Variants in ABCA2 observed in about 807,000 individuals in gnomAD.
The protein encoded by ABCA2 is ATP-binding cassette sub-family A member 2.
Under a neutral mutation model 262.8 loss-of-function variants are expected in ABCA2, and 84 were observed. The observed-to-expected ratio is 0.32, with a 90% confidence interval of 0.27 to 0.38. ABCA2 has a LOEUF of 0.38. Among genes scored for constraint, ABCA2 ranks in the 10% least tolerant of loss-of-function variants. The pLI is 1.00. For synonymous variants in ABCA2, 1,696 were observed against 1,502.9 expected, an observed-to-expected ratio of 1.13 and a Z score of -2.97; for missense variants, 2,662 against 3,405.9, an observed-to-expected ratio of 0.78 and a Z score of 5.44.
Position 137,010,341 on chromosome 9 carries a change from G to A in ABCA2, c.6205C>T (p.Leu2069=), listed in dbSNP as rs776394496. ...VYKSRKIGRI[L]AVDRLCLGVR... The stretch of plus-strand genomic sequence containing the variant: ...CCCAGGCACAGGCGGTCAACGGCCA[G>A]GATACGGCCAATCTTCCGGGACTTG... The change falls in exon 41 of 49, where the codon CTG becomes TTG. Residue 2069 remains leucine, a synonymous_variant. Transcript: ENST00000341511. 1 of 1,581,866 alleles carries A rather than the reference G, an allele frequency of 6.3e-7. No homozygotes were observed. Among genetic ancestry groups the A allele is most frequent in the South Asian group, 1.2e-5 (1 of 86,788 alleles).
chr9:137,008,053 C>T (rs1169459595), intron 48 of ABCA2, 89 bp from the exon 49 acceptor site: 1 of 1,499,734 alleles, frequency 6.7e-7, no homozygotes, highest in Non-Finnish European at 9.0e-7. Context: ...CCCCGGCCCT[C>T]CTGCAGGCTG....
At chr9:137,008,353 G>A (rs1387506898) in intron 48 of ABCA2, 63 bp downstream of exon 48, 1 of 1,535,154 alleles carries the variant, frequency 6.5e-7, no homozygotes, top group Non-Finnish European at 8.8e-7. Flanking sequence ...CGCGGCTGGA[G>A]CCACCAGGCA....
rs777555902 is a variant in ABCA2 at position 137,019,129 on chromosome 9, G to A, written c.1554+49C>T. ...GCGCCTGCCGAGCCGGGCAGAGAGG[G>A]GCTCCCCACACCACCCACAGCCGCC... is the stretch of plus-strand genomic sequence containing the variant. On this transcript the variant is annotated intron_variant, in intron 11 of 48. Coordinates refer to ENST00000341511, the MANE Select transcript of ABCA2 (RefSeq NM_001606.5). This position sits in a 1 kb window ranked among gnomAD's most constrained non-coding sequence, Gnocchi z 4.4. 5 of 1,603,888 alleles carry A rather than the reference G, an allele frequency of 3.1e-6. No individual in the cohort carries two copies. The highest frequency in any genetic ancestry group is 4.3e-6 in the Non-Finnish European group (5 of 1,173,828).
At position 137,015,148 on chromosome 9, in the gene ABCA2, G is replaced by A. The variant is rs759469585; in HGVS notation, c.3698-51C>T. On this transcript the variant is annotated intron_variant, in intron 24 of 48. Coordinates refer to ENST00000341511, the MANE Select transcript of ABCA2 (RefSeq NM_001606.5). ...GAATTCACTCAGGGGCTGGGAGGAG[G>A]GACCCCCAATGGGAACCCAACTGGG... The A allele has an allele frequency of 3.9e-6, 6 of 1,525,708 alleles. No homozygotes were observed. The African/African-American group carries it at 8.3e-5, about 21-fold the overall frequency. 94.5% of individuals were successfully genotyped at this position (1,525,708 alleles called of 1,614,324 possible). A position where few individuals can be genotyped will look rare whatever the true frequency, so the allele number is the denominator to read the frequency against.
rs946316964 is a variant in ABCA2 at position 137,019,118 on chromosome 9, G to A, written c.1555-48C>T. On this transcript the variant is annotated intron_variant, in intron 11 of 48. Coordinates refer to ENST00000341511, the MANE Select transcript of ABCA2 (RefSeq NM_001606.5). The surrounding 1 kb of genome is among the most constrained non-coding windows in gnomAD (Gnocchi z 4.4). The stretch of plus-strand genomic sequence containing the variant: ...GAGGGGGACCTGCGCCTGCCGAGCC[G>A]GGCAGAGAGGGGCTCCCCACACCAC... 45 of 1,602,098 alleles carry A rather than the reference G, an allele frequency of 2.8e-5. No individual in the cohort carries two copies. The highest frequency in any genetic ancestry group is 4.5e-5 in the East Asian group (2 of 44,616).
chr9:137,020,271 C>T, intron 10 of ABCA2, 65 bp downstream of exon 10: 1 of 1,599,994 alleles, frequency 6.3e-7, no homozygotes. Context: ...GCCCAGGGGT[C>T]CCAGGCCTGC....
At chr9:137,008,395 C>T in intron 48 of ABCA2, 21 bp downstream of exon 48, 1 of 1,548,848 alleles carries the variant, frequency 6.5e-7, no homozygotes. Flanking sequence ...CCCTGGACAG[C>T]CATGAGAGCA....
chr9:137,012,899 G>A lies in ABCA2; in HGVS notation c.4894C>T (p.Pro1632Ser). ...CGGACGGGCTCCCGTACCAGGCGCGGCAGGGAGGGTGCCGACGTCCACATT... is the reference window on the plus strand; with the variant it reads ...CGGACGGGCTCCCGTACCAGGCGCGACAGGGAGGGTGCCGACGTCCACATT... ...PEMWTSAPSL[P>S]RLVREPVRCT... The change falls in exon 31 of 49, where the codon CCG becomes TCG. Residue 1632 changes from proline to serine, a missense_variant. By Grantham distance (74) the Pro-to-Ser change is moderately conservative. Around this residue, in one of 12 missense-constraint regions of ABCA2, gnomAD observed 192 missense variants for 207.2 expected, o/e 0.93. Coordinates refer to ENST00000341511, the MANE Select transcript of ABCA2 (RefSeq NM_001606.5). 1 of 1,552,442 alleles carries A rather than the reference G, an allele frequency of 6.4e-7. No individual in the cohort carries two copies. The highest frequency in any genetic ancestry group is 8.7e-7 in the Non-Finnish European group (1 of 1,147,908).
In ABCA2 at chr9:137,012,171, G is replaced by A. The variant is rs201433097; in HGVS notation, c.5300-9C>T. The A allele has an allele frequency of 6.2e-5, 100 of 1,611,850 alleles. No homozygotes were observed. The South Asian group carries it at 9.1e-4, about 15-fold the overall frequency. On this transcript the variant is annotated splice_polypyrimidine_tract_variant and intron_variant, in intron 33 of 48. Coordinates refer to ENST00000341511, the MANE Select transcript of ABCA2 (RefSeq NM_001606.5). The stretch of plus-strand genomic sequence containing the variant: ...GTTGGTGACGGTGATGCCTGCACAC[G>A]GCGGGGCGGGGGCGGCAGCTTCAGG...
chr9:137,009,332 G>GGCCCCCCCCCCCCCCCCC, intron 45 of ABCA2, 38 bp downstream of exon 45: 1 of 980,406 alleles, frequency 1.0e-6, no homozygotes, highest in Non-Finnish European at 1.5e-6. Context: ...CCCCCCCCGG[G>GGCCCCCCCCCCCCCCCCC]CCCGCCCCAG....
In ABCA2 at chr9:137,017,812, G is replaced by T. The variant is rs769488033; in HGVS notation, c.2186C>A (p.Ala729Glu). Residue 729 changes from alanine to glutamate, a missense_variant, in exon 16 of 49, where the codon GCG (alanine) becomes GAG (glutamate). Physicochemically the swap from Ala to Glu is moderately radical, Grantham distance 107 (BLOSUM62 -1). Transcript: ENST00000341511. ...SVAMTIQHIV[A>E]EKEHRLKEVM... is the part of the protein sequence containing the mutation. ...CTCCTTGAGCCGGTGCTCCTTCTCC[G>T]CCACGATGTGCTGGATGGTCATGGC... is the stretch of plus-strand genomic sequence containing the variant. The T allele has an allele frequency of 6.2e-6, 10 of 1,612,388 alleles. No homozygotes were observed.
chr9:137,013,129 G>T lies in ABCA2; in HGVS notation c.4740C>A (p.Phe1580Leu). The T allele has an allele frequency of 6.3e-7, 1 of 1,597,400 alleles. No individual in the cohort carries two copies. Among genetic ancestry groups the T allele is most frequent in the Admixed American group, 1.7e-5 (1 of 58,620 alleles). Reference sequence around the variant, plus strand: ...AATTGGACAGTGGCAGCCCCTGTGTGAAGGACTCCAGACACATGCTGTCGA... The same window carrying T: ...AATTGGACAGTGGCAGCCCCTGTGTTAAGGACTCCAGACACATGCTGTCGA... ...RFFDSMCLESFTQGLPLSNFV... is the reference protein window; with the variant it reads ...RFFDSMCLESLTQGLPLSNFV... Residue 1580 changes from phenylalanine (F) to leucine (L), a missense_variant, in exon 30 of 49, where the codon TTC becomes TTA. Coordinates refer to ENST00000341511, the MANE Select transcript of ABCA2 (RefSeq NM_001606.5).
In ABCA2 at chr9:137,013,171, C is replaced by G; in HGVS notation, c.4698G>C (p.Leu1566=). The stretch of plus-strand genomic sequence containing the variant: ...TGCTGTCGAAGAACCGAGCCGCCAG[C>G]AGGCGCGACTCCCCGCTGCTCAGGT... ...TLNLSSGESR[L]LAARFFDSMC... The change falls in exon 30 of 49, where the codon CTG becomes CTC. Residue 1566 remains leucine (L), a synonymous_variant. Transcript: ENST00000341511. 6.2e-7 allele frequency: 1 copy of G among 1,600,886 alleles called. No homozygotes were observed. The highest frequency in any genetic ancestry group is 8.5e-7 in the Non-Finnish European group (1 of 1,175,622).
Position 137,008,415 on chromosome 9 carries a change from C to T in ABCA2, c.7275+1G>A. ...GACAGCCATGAGAGCAGCCTGCTCA[C>T]CCGCTCCTCCTCGAAGCTGATGAGG... On this transcript the variant is annotated splice_donor_variant, in intron 48 of 48. Transcript: ENST00000341511. LOFTEE classifies it high-confidence loss of function. 2 of 1,549,910 alleles carry T rather than the reference C, an allele frequency of 1.3e-6. No homozygotes were observed. The highest frequency in any genetic ancestry group is 1.7e-6 in the Non-Finnish European group (2 of 1,147,124).
rs774040134 is a variant in ABCA2 at position 137,019,004 on chromosome 9, G to C, written c.1621C>G (p.Leu541Val). ...NLSLDELPPA[L>V]RQDNFSLPSG... ...GGCAGCGAGAAGTTGTCCTGTCTCAGGGCCGGCGGCAGCTCATCCAGTGAC... is the reference window on the plus strand; with the variant it reads ...GGCAGCGAGAAGTTGTCCTGTCTCACGGCCGGCGGCAGCTCATCCAGTGAC... The change falls in exon 12 of 49, where the codon CTG becomes GTG. Residue 541 changes from leucine (L) to valine (V), a missense_variant. By Grantham distance (32) the Leu-to-Val change is conservative (BLOSUM62 1). Coordinates refer to ENST00000341511, the MANE Select transcript of ABCA2 (RefSeq NM_001606.5). The surrounding 1 kb of genome is among the most constrained non-coding windows in gnomAD (Gnocchi z 4.4). 44 of 1,612,862 alleles carry C rather than the reference G, an allele frequency of 2.7e-5. No individual in the cohort carries two copies. Among genetic ancestry groups the C allele is most frequent in the Non-Finnish European group, 3.6e-5 (43 of 1,179,872 alleles).
intron 1 of ABCA2, among the ~76,000 whole-genome samples, chr9:137,026,379 C>T (rs1297011592): frequency 6.6e-6 from 1 of 152,222 alleles, no homozygotes; most frequent in Admixed American, 6.5e-5. Flanking sequence ...CCCCAAGAGT[C>T]CAGCTCTGAT....
rs761061522 is a variant in ABCA2, at chr9:137,017,635, C to T, written c.2269G>A (p.Gly757Ser). Residue 757 changes from glycine to serine, a missense_variant, in exon 17 of 49, where the codon GGC becomes AGC. Gly to Ser is a moderately conservative substitution (Grantham distance 56). Transcript: ENST00000341511. ...AVHWVAWFITGFVQLSISVTA... is the reference protein window; with the variant it reads ...AVHWVAWFITSFVQLSISVTA... Reference sequence around the variant, plus strand: ...ACGGAGATGGACAGCTGCACAAAGCCGGTGATGAACCAGGCCACCCAGTGC... The same window carrying T: ...ACGGAGATGGACAGCTGCACAAAGCTGGTGATGAACCAGGCCACCCAGTGC... 3 of 1,612,596 alleles carry T rather than the reference C, an allele frequency of 1.9e-6. No homozygotes were observed. The highest frequency in any genetic ancestry group is 1.3e-5 in the African/African-American group (1 of 74,944).
chr9:137,008,025 G>A, intron 48 of ABCA2, 61 bp from the exon 49 acceptor site: 3 of 1,574,306 alleles, frequency 1.9e-6, no homozygotes, highest in Non-Finnish European at 2.6e-6. Flanking sequence ...TGGGGCTGAG[G>A]ACACTTGTGC....
chr9:137,024,293 C>A, intron 1 of ABCA2, 57 bp from the exon 2 acceptor site: 1 of 1,453,186 alleles, frequency 6.9e-7, no homozygotes. Context: ...CTAGGCCCTC[C>A]CCAGCCTCCC....
Sources: gnomAD v4.1 joint callset for allele counts (sites outside exome capture counted in the v4.1 genomes callset) on GRCh38, gnomAD v4.1.1 for gene constraint, gnomAD v4.1.1 regional missense constraint, Gnocchi (gnomAD v3.1) non-coding constraint, MANE v1.5 for transcripts, NCBI Gene and HGNC (gene_info 2026-07-23, HGNC 2026-07-21) for gene names.